Variants in TMEM132C observed in about 807,000 individuals in gnomAD.
The protein encoded by TMEM132C is protein phosphatase 1, regulatory subunit 152.
A neutral mutation model predicts 61.4 loss-of-function variants in TMEM132C; 29 were observed. The ratio of observed to expected loss-of-function variants is 0.47; its 90% CI spans 0.35 to 0.64. The LOEUF (loss-of-function observed/expected upper bound fraction) is 0.64. Among genes scored for constraint, TMEM132C ranks in the 30% least tolerant of loss-of-function variants. TMEM132C has a pLI of 0.00. For synonymous variants in TMEM132C, 656 were observed against 633.1 expected (o/e 1.04, Z -0.54); for missense variants, 1,408 against 1,476.9 (o/e 0.95, Z 0.76).
At chr12:128,412,680 G>A (rs1868601808) in intron 1 of TMEM132C, among the ~76,000 whole-genome samples, 1 of 152,036 alleles carries the variant, frequency 6.6e-6, no homozygotes, top group Non-Finnish European at 1.5e-5. Flanking sequence ...TGATTGTGAG[G>A]CCTCCCAGCC....
Position 128,705,544 on chromosome 12 carries a change from C to G in TMEM132C, c.2576C>G (p.Thr859Arg). The change falls in exon 9 of 9, where the codon ACG (threonine) becomes AGG (arginine). Residue 859 changes from threonine to arginine, a missense_variant. By Grantham distance (71) the Thr-to-Arg change is moderately conservative (BLOSUM62 -1). Coordinates refer to ENST00000435159, the MANE Select transcript of TMEM132C (RefSeq NM_001136103.3). ...EEGALRRATT[T>R]ARSLLDNKVV... ...GGGGCTCTCCGAAGAGCCACTACCA[C>G]GGCCAGGTCCCTGCTGGACAACAAA... 1 of 1,551,072 alleles carries G rather than the reference C, an allele frequency of 6.4e-7. No individual in the cohort carries two copies. The highest frequency in any genetic ancestry group is 8.7e-7 in the Non-Finnish European group (1 of 1,146,970).
chr12:128,328,659 C>T (rs1310468601), intron 1 of TMEM132C, among the ~76,000 whole-genome samples: 1 of 151,910 alleles, frequency 6.6e-6, no homozygotes, highest in African/African-American at 2.4e-5. Context: ...TGGTGGCAGG[C>T]ACCCATAATC....
At chr12:128,282,339 G>T (rs370329531) in intron 1 of TMEM132C, among the ~76,000 whole-genome samples, 2 of 152,226 alleles carry the variant, frequency 1.3e-5, no homozygotes, top group Non-Finnish European at 2.9e-5. Flanking sequence ...AAGGAAAGAG[G>T]TTTAATTGAC....
At chr12:128,269,221 T>C (rs1306066859) in intron 1 of TMEM132C, among the ~76,000 whole-genome samples, 3 of 152,202 alleles carry the variant, frequency 2.0e-5, no homozygotes, top group African/African-American at 7.2e-5. Context: ...AAGGCGGTGC[T>C]AATTGAGCAG....
chr12:128,440,221 A>G (rs142810905), intron 2 of TMEM132C, among the ~76,000 whole-genome samples: 98 of 152,360 alleles, frequency 6.4e-4, no homozygotes, highest in East Asian at 1.4e-3. Context: ...GCTTCTGGCT[A>G]TATCAGTCTA....
chr12:128,306,038 C>G (rs1240073114), intron 1 of TMEM132C, among the ~76,000 whole-genome samples: 1 of 152,076 alleles, frequency 6.6e-6, no homozygotes, highest in African/African-American at 2.4e-5. Flanking sequence ...AGTCTATATT[C>G]ATCCCGATAG....
intron 2 of TMEM132C, among the ~76,000 whole-genome samples, chr12:128,436,357 C>T (rs1869589353): frequency 1.3e-5 from 2 of 152,320 alleles, no homozygotes; most frequent in Admixed American, 1.3e-4. Context: ...TCAGCATGAA[C>T]AGGCAACCTA....
intron 1 of TMEM132C, among the ~76,000 whole-genome samples, chr12:128,292,281 A>G (rs1444297749): frequency 6.6e-6 from 1 of 152,198 alleles, no homozygotes; most frequent in African/African-American, 2.4e-5. Flanking sequence ...GGCAAAACTT[A>G]GAGGAAAGCC....
In TMEM132C at chr12:128,526,730, G is replaced by A. The variant is rs866184001; in HGVS notation, c.975-17227G>A. ...AGCCTCCCTAAGGTGGGATTTGAGTGGAGAAGGAGAAGAGTGAAGACACCA... is the reference window on the plus strand; with the variant it reads ...AGCCTCCCTAAGGTGGGATTTGAGTAGAGAAGGAGAAGAGTGAAGACACCA... On this transcript the variant is annotated intron_variant, in intron 2 of 8. Transcript: ENST00000435159. 3.3e-5 allele frequency among the ~76,000 whole-genome samples: 5 copies of A among 152,176 alleles called. No homozygotes were observed. In the South Asian group the frequency reaches 1.0e-3, roughly 32 times the overall value.
chr12:128,559,681 G>A (rs1324066156), intron 3 of TMEM132C, among the ~76,000 whole-genome samples: 2 of 152,116 alleles, frequency 1.3e-5, no homozygotes, highest in East Asian at 1.9e-4. Context: ...CGTGGAAATC[G>A]TGCTATGGAT....
At chr12:128,465,215 T>C (rs1237644245) in intron 2 of TMEM132C, among the ~76,000 whole-genome samples, 1 of 151,844 alleles carries the variant, frequency 6.6e-6, no homozygotes, top group African/African-American at 2.4e-5. Context: ...TTTTTTTTTT[T>C]TGAGACAGTG....
intron 1 of TMEM132C, among the ~76,000 whole-genome samples, chr12:128,341,391 G>A (rs1343528543): frequency 2.0e-5 from 3 of 152,136 alleles, no homozygotes; most frequent in Non-Finnish European, 2.9e-5. Flanking sequence ...GTAGTCTGTT[G>A]ATGTAAAAAA....
chr12:128,521,176 G>T (rs1322832095), intron 2 of TMEM132C, among the ~76,000 whole-genome samples: 1 of 152,138 alleles, frequency 6.6e-6, no homozygotes, highest in East Asian at 1.9e-4. Flanking sequence ...TGGCATGAAA[G>T]TTGGAGAGCA....
At chr12:128,491,014 A>T (rs1871698145) in intron 2 of TMEM132C, among the ~76,000 whole-genome samples, 1 of 152,164 alleles carries the variant, frequency 6.6e-6, no homozygotes, top group Non-Finnish European at 1.5e-5. Context: ...TTTGAGTAAG[A>T]CTCATTCAAG....
chr12:128,416,864 C>T (rs1868796520), intron 2 of TMEM132C, among the ~76,000 whole-genome samples: 1 of 152,154 alleles, frequency 6.6e-6, no homozygotes, highest in South Asian at 2.1e-4. Flanking sequence ...ACTGCTATGA[C>T]ACCCCTTTCA....
At chr12:128,301,953 A>T (rs950222520) in intron 1 of TMEM132C, among the ~76,000 whole-genome samples, 5 of 152,210 alleles carry the variant, frequency 3.3e-5, no homozygotes, top group Admixed American at 3.3e-4. Flanking sequence ...CCACTTATAA[A>T]ACCATCAGAT....
chr12:128,536,229 A>T (rs1439728280), intron 2 of TMEM132C, among the ~76,000 whole-genome samples: 1 of 152,270 alleles, frequency 6.6e-6, no homozygotes, highest in African/African-American at 2.4e-5. Context: ...GGATGAGTTC[A>T]TGTCCTTTGC....
chr12:128,464,084 A>G (rs571081759), intron 2 of TMEM132C, among the ~76,000 whole-genome samples: 3 of 152,248 alleles, frequency 2.0e-5, no homozygotes, highest in East Asian at 3.9e-4. Context: ...AGTGTCCCCA[A>G]GCTAAGTTCT....
intron 4 of TMEM132C, among the ~76,000 whole-genome samples, chr12:128,624,777 T>C (rs1953999644): frequency 6.6e-6 from 1 of 152,206 alleles, no homozygotes; most frequent in African/African-American, 2.4e-5. Context: ...TAAATCACTT[T>C]ACACTAGAAA....
Sources: allele counts gnomAD v4.1 joint callset (sites outside exome capture counted in the v4.1 genomes callset), GRCh38; gene constraint gnomAD v4.1.1; transcripts MANE v1.5; gene names NCBI Gene and HGNC (gene_info 2026-07-23, HGNC 2026-07-21).